The following ADCY5 variants were observed in gnomAD, a reference collection of about 807,000 sequenced individuals.
ADCY5 encodes adenylate cyclase 5.
A neutral mutation model predicts 119.7 loss-of-function variants in ADCY5; 30 were observed. That is an observed-to-expected ratio of 0.25 (90% CI 0.19 to 0.34). The LOEUF is 0.34. Ranked by LOEUF, ADCY5 falls within the 10% of genes least tolerant of loss-of-function variation. The probability of loss-of-function intolerance (pLI) is 1.00; values close to 1 mark genes in which losing one functional copy is unlikely to be tolerated. For synonymous variants in ADCY5, 753 were observed against 762.2 expected (o/e 0.99, Z 0.20); for missense variants, 1,324 against 1,775.2 (o/e 0.75, Z 4.57).
Position 123,358,195 on chromosome 3 carries a change from T to TGTGTGTGTGTGTGTGTGTGTGA in ADCY5, c.1135-5615_1135-5614insTCACACACACACACACACACAC, listed in dbSNP as rs58986112. ...GTGTGTGTGTGTGTGTGTGTGTGTG[T>TGTGTGTGTGTGTGTGTGTGTGA]AGGGAGTTGGTGGTATGGCGGAGCA... On this transcript the variant is annotated intron_variant, in intron 1 of 20. Coordinates refer to ENST00000462833, the MANE Select transcript of ADCY5 (RefSeq NM_183357.3). Among the ~76,000 whole-genome samples the TGTGTGTGTGTGTGTGTGTGTGA allele has an allele frequency of 1.3e-3, 190 of 149,192 alleles. 3 individuals carry two copies. Among genetic ancestry groups the TGTGTGTGTGTGTGTGTGTGTGA allele is most frequent in the African/African-American group, 3.4e-3 (136 of 40,038 alleles).
intron 1 of ADCY5, among the ~76,000 whole-genome samples, chr3:123,443,095 T>C (rs186086204): frequency 6.6e-6 from 1 of 152,268 alleles, no homozygotes; most frequent in African/African-American, 2.4e-5. Flanking sequence ...GCGTCTCACA[T>C]GGGGCAGCCA....
chr3:123,290,085 T>A, intron 18 of ADCY5, 131 bp from the exon 19 acceptor site: 1 of 883,874 alleles, frequency 1.1e-6, no homozygotes, highest in South Asian at 1.6e-5. Flanking sequence ...CAGTGGGGCC[T>A]GTCTCCATCC....
intron 17 of ADCY5, among the ~76,000 whole-genome samples, chr3:123,292,534 G>A (rs565381022): frequency 3.3e-5 from 5 of 152,248 alleles, no homozygotes; most frequent in Admixed American, 1.3e-4. Context: ...AAAGGGCCCC[G>A]CCTTCCACCA....
intron 1 of ADCY5, among the ~76,000 whole-genome samples, chr3:123,357,317 A>G (rs993483047): frequency 3.3e-5 from 5 of 152,070 alleles, no homozygotes; most frequent in Admixed American, 1.3e-4. Flanking sequence ...ACAGAGAAAG[A>G]GTGGCCTTCC....
chr3:123,415,011 C>T (rs867384789), intron 1 of ADCY5, among the ~76,000 whole-genome samples: 39 of 152,304 alleles, frequency 2.6e-4, no homozygotes, highest in African/African-American at 7.5e-4. Context: ...TCCACCACTG[C>T]GGCCCCTTGG....
At chr3:123,371,648 C>T (rs927726019) in intron 1 of ADCY5, among the ~76,000 whole-genome samples, 3 of 152,230 alleles carry the variant, frequency 2.0e-5, no homozygotes, top group Non-Finnish European at 4.4e-5. Flanking sequence ...GAGGATGGGG[C>T]AAGAGCTGGG....
intron 1 of ADCY5, among the ~76,000 whole-genome samples, chr3:123,409,344 G>A (rs1480667014): frequency 1.3e-5 from 2 of 152,204 alleles, no homozygotes; most frequent in African/African-American, 4.8e-5. Flanking sequence ...CTCCAGGTGT[G>A]TACAGTCGCA....
chr3:123,403,380 CAAA>C (rs35626615), intron 1 of ADCY5, among the ~76,000 whole-genome samples: 7 of 68,504 alleles, frequency 1.0e-4, no homozygotes, highest in Non-Finnish European at 8.2e-5. Flanking sequence ...GACCCTGTCT[CAAA>C]AAAAAAAAAA....
intron 1 of ADCY5, among the ~76,000 whole-genome samples, chr3:123,428,600 T>C (rs1945458398): frequency 6.6e-6 from 1 of 152,178 alleles, no homozygotes; most frequent in African/African-American, 2.4e-5. Flanking sequence ...CACCTCCTGG[T>C]GCAGTGAACA....
At chr3:123,295,955 G>T in intron 17 of ADCY5, 129 bp downstream of exon 17, 1 of 1,367,576 alleles carries the variant, frequency 7.3e-7, no homozygotes, top group Non-Finnish European at 9.9e-7. Flanking sequence ...CTTCGATGGG[G>T]CCTGAGCAAG....
intron 1 of ADCY5, among the ~76,000 whole-genome samples, chr3:123,353,806 A>G (rs955256303): frequency 6.6e-6 from 1 of 152,138 alleles, no homozygotes; most frequent in Non-Finnish European, 1.5e-5. Context: ...TTTCTACCAG[A>G]AGGCTTTGCC....
rs1475722810 is a variant in ADCY5 at position 123,448,019 on chromosome 3, C to A, written c.527G>T (p.Gly176Val). The change falls in exon 1 of 21, where the codon GGC becomes GTC. Residue 176 changes from glycine (G) to valine (V), a missense_variant. Physicochemically the swap from Gly to Val is moderately radical, Grantham distance 109. This residue lies in a region of ADCY5 where 585 missense variants were observed against 569.9 expected (regional missense o/e 1.03). Transcript: ENST00000462833. ...GGACCCCTCGCCGCCCTCGACGGCG[C>A]CGGCCTCCAGCTCGTCGGCCGCGCG... The part of the protein sequence containing the change: ...KGRAADELEA[G>V]AVEGGEGSGD... 2.4e-6 allele frequency: 3 copies of A among 1,274,814 alleles called. No homozygotes were observed. The highest frequency in any genetic ancestry group is 2.9e-5 in the South Asian group (1 of 34,900). The allele number at this position is 1,274,814 out of a possible 1,614,324, so 79.0% of individuals were successfully genotyped here. A position where few individuals can be genotyped will look rare whatever the true frequency, so the allele number is the denominator to read the frequency against.
chr3:123,402,491 G>C (rs1191208540), intron 1 of ADCY5, among the ~76,000 whole-genome samples: 1 of 152,228 alleles, frequency 6.6e-6, no homozygotes, highest in East Asian at 1.9e-4. Flanking sequence ...GCAAGCACCG[G>C]CTTCTTTTGA....
rs146379370 is a variant in ADCY5 at position 123,447,550 on chromosome 3, G to C, written c.996C>G (p.Thr332=). The C allele has an allele frequency of 6.2e-7, 1 of 1,609,318 alleles. No homozygotes were observed. Among genetic ancestry groups the C allele is most frequent in the African/African-American group, 1.3e-5 (1 of 74,858 alleles). ...PRSASEGIWW[T]VFFIYTIYTL... Reference sequence around the variant, plus strand: ...TGTAGATGGTGTAGATGAAGAACACGGTCCACCAGATGCCCTCAGAGGCGC... The same window carrying C: ...TGTAGATGGTGTAGATGAAGAACACCGTCCACCAGATGCCCTCAGAGGCGC... Residue 332 remains threonine, a synonymous_variant, in exon 1 of 21, where the codon ACC becomes ACG. Transcript: ENST00000462833.
In ADCY5 at chr3:123,332,810, A is replaced by G; in HGVS notation, c.1407-135T>C. ...TGCTCTATTGCCCAGGCTGGAGTGCAGTGGTGTGATCAAGGCTCACTGCAG... is the reference window on the plus strand; with the variant it reads ...TGCTCTATTGCCCAGGCTGGAGTGCGGTGGTGTGATCAAGGCTCACTGCAG... On this transcript the variant is annotated intron_variant, in intron 3 of 20. Coordinates refer to ENST00000462833, the MANE Select transcript of ADCY5 (RefSeq NM_183357.3). The G allele has an allele frequency of 4.8e-6, 3 of 623,322 alleles. No individual in the cohort carries two copies. The South Asian group carries it at 5.5e-5, about 11-fold the overall frequency. 38.6% of individuals were successfully genotyped at this position (623,322 alleles called of 1,614,324 possible). A position where few individuals can be genotyped will look rare whatever the true frequency, so the allele number is the denominator to read the frequency against.
chr3:123,416,509 T>C (rs1213268316), intron 1 of ADCY5, among the ~76,000 whole-genome samples: 2 of 152,146 alleles, frequency 1.3e-5, no homozygotes, highest in African/African-American at 4.8e-5. Flanking sequence ...TAGAAACTGG[T>C]AGAGACCTCA....
At chr3:123,380,139 G>A (rs1943981580) in intron 1 of ADCY5, among the ~76,000 whole-genome samples, 2 of 152,138 alleles carry the variant, frequency 1.3e-5, no homozygotes, top group East Asian at 3.8e-4. Flanking sequence ...TCAGAAACAG[G>A]GAGTCCAGAT....
chr3:123,364,005 T>C (rs1017352571), intron 1 of ADCY5, among the ~76,000 whole-genome samples: 2 of 152,144 alleles, frequency 1.3e-5, no homozygotes, highest in African/African-American at 4.8e-5. Flanking sequence ...TTGTGGGAAA[T>C]TTTCCAAAAT....
intron 5 of ADCY5, 97 bp from the exon 6 acceptor site, chr3:123,328,899 G>A (rs557788032): frequency 2.4e-6 from 3 of 1,267,228 alleles, no homozygotes; most frequent in Admixed American, 4.1e-5. Context: ...AAGGTGCGGG[G>A]GTCAAAGAGT....
Sources: allele counts gnomAD v4.1 joint callset (sites outside exome capture counted in the v4.1 genomes callset), GRCh38; gene constraint gnomAD v4.1.1; regional missense constraint gnomAD v4.1.1; transcripts MANE v1.5; gene names NCBI Gene and HGNC (gene_info 2026-07-23, HGNC 2026-07-21).